Variants in CORO7 observed in about 807,000 individuals in gnomAD.
The protein encoded by CORO7 is coronin-7.
A neutral mutation model predicts 126.6 loss-of-function variants in CORO7; 107 were observed. That is an observed-to-expected ratio of 0.85 (90% confidence interval 0.72 to 0.99). The LOEUF (loss-of-function observed/expected upper bound fraction) is 0.99, where lower values mean the gene tolerates loss of function less well. Among genes scored for constraint, CORO7 ranks in the 50% least tolerant of loss-of-function variants. CORO7 has a pLI of 0.00. For missense variants in CORO7, 1,314 were observed against 1,255.8 expected (o/e 1.05, Z -0.70); for synonymous variants, 603 against 536.8 (o/e 1.12, Z -1.70).
chr16:4,356,337 C>A (rs2053976919), intron 26 of CORO7: 2 of 152,244 alleles, frequency 1.3e-5, no homozygotes, highest in Non-Finnish European at 2.9e-5. Flanking sequence ...CACTTATATC[C>A]TCTTGCTTTG....
intron 19 of CORO7, 34 bp from the exon 20 acceptor site, chr16:4,360,582 G>A: frequency 1.9e-6 from 3 of 1,559,152 alleles, no homozygotes; most frequent in Non-Finnish European, 2.6e-6. Context: ...AGACAGCCTT[G>A]CTTCACTGCT....
intron 6 of CORO7, among the ~76,000 whole-genome samples, chr16:4,402,505 C>G (rs2055848333): frequency 6.6e-6 from 1 of 152,206 alleles, no homozygotes; most frequent in African/African-American, 2.4e-5. Flanking sequence ...CCTCGTCCTC[C>G]CAAAGTGCTG....
intron 10 of CORO7, among the ~76,000 whole-genome samples, chr16:4,365,286 TTTA>T (rs2054313541): frequency 6.6e-6 from 1 of 152,146 alleles, no homozygotes; most frequent in East Asian, 1.9e-4. Flanking sequence ...TACGTCAGTA[TTTA>T]TGGAGTGCTG....
At chr16:4,401,911 C>CT (rs58167321) in intron 6 of CORO7, among the ~76,000 whole-genome samples, 15,500 of 139,768 alleles carry the variant, frequency 0.11, 1,302 homozygotes, top group African/African-American at 0.24. Flanking sequence ...TCTTTTTTTC[C>CT]TTTTTTTTTT....
intron 6 of CORO7, among the ~76,000 whole-genome samples, chr16:4,402,082 G>A (rs1418209434): frequency 2.0e-5 from 3 of 151,930 alleles, no homozygotes; most frequent in Non-Finnish European, 1.5e-5. Flanking sequence ...GGGATTACAG[G>A]TGCATGCCAA....
intron 26 of CORO7, 46 bp from the exon 27 acceptor site, chr16:4,355,418 C>T (rs1200843508): frequency 6.4e-7 from 1 of 1,574,374 alleles, no homozygotes; most frequent in Non-Finnish European, 8.6e-7. Context: ...ATAGGACTCC[C>T]TGTTCCCTCT....
intron 1 of CORO7, among the ~76,000 whole-genome samples, chr16:4,414,906 G>A (rs2056350353): frequency 2.0e-5 from 3 of 152,182 alleles, no homozygotes; most frequent in South Asian, 4.2e-4. Flanking sequence ...CTATTGCCCA[G>A]GCTGGTGTGT....
intron 21 of CORO7, 135 bp downstream of exon 21, chr16:4,360,143 T>TC (rs2054115587): frequency 9.1e-7 from 1 of 1,098,168 alleles, no homozygotes; most frequent in South Asian, 1.4e-5. Flanking sequence ...ACTCATCCAA[T>TC]CATCTACCCA....
At chr16:4,391,425 A>G (rs952831253) in intron 7 of CORO7, among the ~76,000 whole-genome samples, 4 of 152,158 alleles carry the variant, frequency 2.6e-5, no homozygotes, top group South Asian at 2.1e-4. Flanking sequence ...GCATGGTGGC[A>G]GGCGCCTGTA....
chr16:4,360,785 C>T (rs1252845905), intron 19 of CORO7, among the ~76,000 whole-genome samples, 158 bp downstream of exon 19: 1 of 141,356 alleles, frequency 7.1e-6, no homozygotes, highest in African/African-American at 2.7e-5. Flanking sequence ...CTCCTCACCA[C>T]TGGCCCCCCT....
intron 6 of CORO7, among the ~76,000 whole-genome samples, chr16:4,398,423 C>T (rs530807062): frequency 4.9e-4 from 74 of 151,430 alleles, no homozygotes; most frequent in Middle Eastern, 3.5e-3. Context: ...CAGCACTTTG[C>T]GAAGCCAAGG....
rs1012465794 is a variant in CORO7 at position 4,404,345 on chromosome 16, G to A, written c.564+1146C>T. ...TTCAGAGACCCTTGGTGGTACCCAC[G>A]GCCGCCTCCCTGGGGAAGCCCTTTG... On this transcript the variant is annotated intron_variant, in intron 6 of 27. Transcript: ENST00000251166. Among the ~76,000 whole-genome samples, 14 of 152,052 alleles carry A rather than the reference G, an allele frequency of 9.2e-5. 1 individual carries two copies. Among genetic ancestry groups the A allele is most frequent in the South Asian group, 2.1e-4 (1 of 4,826 alleles).
intron 9 of CORO7, chr16:4,380,955 C>A (rs548108879): frequency 6.2e-7 from 1 of 1,600,634 alleles, no homozygotes; most frequent in South Asian, 1.1e-5. Context: ...GCTGCCCATC[C>A]GGCTGCCAGT....
At chr16:4,355,758 A>C (rs972902819) in intron 26 of CORO7, among the ~76,000 whole-genome samples, 4 of 149,584 alleles carry the variant, frequency 2.7e-5, no homozygotes, top group Admixed American at 6.6e-5. Context: ...CGTGAGCCAC[A>C]GCGCCCGGCC....
At chr16:4,387,956 C>G (rs777681721) in intron 9 of CORO7, 30 bp downstream of exon 9, 1 of 1,610,942 alleles carries the variant, frequency 6.2e-7, no homozygotes, top group East Asian at 2.2e-5. Flanking sequence ...TCATCAGCCC[C>G]CCAGCCCACC....
chr16:4,362,794 G>A lies in CORO7; in HGVS notation c.1276-56C>T, dbSNP rs2054225153. 2.3e-6 allele frequency: 3 copies of A among 1,286,108 alleles called. No individual in the cohort carries two copies. The highest frequency in any genetic ancestry group is 1.5e-5 in the African/African-American group (1 of 64,770). The allele number at this position is 1,286,108 out of a possible 1,614,324, so 79.7% of individuals were successfully genotyped here. A position where few individuals can be genotyped will look rare whatever the true frequency, so the allele number is the denominator to read the frequency against. On this transcript the variant is annotated intron_variant, in intron 14 of 27. Transcript: ENST00000251166. The surrounding 1 kb of genome is among the most constrained non-coding windows in gnomAD (Gnocchi z 5.3). Reference sequence around the variant, plus strand: ...CTCCTAGGTGTACTGGCCAAAAGGAGGGGGTGCCAGCGGACTCCAGGGTCA... The same window carrying A: ...CTCCTAGGTGTACTGGCCAAAAGGAAGGGGTGCCAGCGGACTCCAGGGTCA...
Position 4,359,365 on chromosome 16 carries a change from C to T in CORO7, c.2271G>A (p.Leu757=), listed in dbSNP as rs775263625. 1.2e-6 allele frequency: 2 copies of T among 1,613,424 alleles called. No homozygotes were observed. The highest frequency in any genetic ancestry group is 2.7e-5 in the African/African-American group (2 of 74,930). The change falls in exon 23 of 28, where the codon CTG becomes CTA. Residue 757 remains leucine, a synonymous_variant. Coordinates refer to ENST00000251166, the MANE Select transcript of CORO7 (RefSeq NM_024535.5). Reference sequence around the variant, plus strand: ...AAGGGGACTCGGGGAGCAGCTCGTACAGGAATACACGGGTGTCGCCCTGCG... The same window carrying T: ...AAGGGGACTCGGGGAGCAGCTCGTATAGGAATACACGGGTGTCGCCCTGCG... ...LTGKGDTRVF[L]YELLPESPFF...
rs764588282 is a variant in CORO7 at position 4,382,453 on chromosome 16, C to T, written c.785+5533G>A. 147 of 1,608,566 alleles carry T rather than the reference C, an allele frequency of 9.1e-5. No homozygotes were observed. In the South Asian group the frequency reaches 1.2e-3, roughly 13 times the overall value. On this transcript the variant is annotated intron_variant, in intron 9 of 27. Coordinates refer to ENST00000251166, the MANE Select transcript of CORO7 (RefSeq NM_024535.5). The stretch of plus-strand genomic sequence containing the variant: ...CGCTGAGTACACGGTCACCCAGCTG[C>T]GGCCCAACGCCACTTACTCCGTCTG...
intron 3 of CORO7, among the ~76,000 whole-genome samples, chr16:4,410,859 G>A (rs747974665): frequency 2.2e-4 from 34 of 152,182 alleles, no homozygotes; most frequent in Admixed American, 6.6e-5. Flanking sequence ...CAATGAATGG[G>A]CGTGGCAGCG....
Sources: allele counts gnomAD v4.1 joint callset (sites outside exome capture counted in the v4.1 genomes callset), GRCh38; gene constraint gnomAD v4.1.1; non-coding constraint Gnocchi (gnomAD v3.1); transcripts MANE v1.5; gene names NCBI Gene and HGNC (gene_info 2026-07-23, HGNC 2026-07-21).